Variants in NXF3 observed in about 807,000 individuals in gnomAD.
NXF3 encodes nuclear RNA export factor 3.
In NXF3, 34 loss-of-function variants were observed where a neutral mutation model predicts 48.4. That is an observed-to-expected ratio of 0.70 (90% CI 0.53 to 0.93). NXF3 has a LOEUF of 0.93. NXF3 is among the 40% of genes least tolerant of loss of function. The pLI is 0.00. For synonymous variants in NXF3, 132 were observed against 145.7 expected, an observed-to-expected ratio of 0.91 and a Z score of 0.68; for missense variants, 359 against 406.1, an observed-to-expected ratio of 0.88 and a Z score of 1.00.
intron 1 of NXF3, chrX:103,088,978 C>A: frequency 8.6e-7 from 1 of 1,168,361 alleles, no homozygotes; most frequent in Non-Finnish European, 1.2e-6. Context: ...CCTGGTAGCA[C>A]CAGGCAGCCC....
intron 18 of NXF3, among the ~76,000 whole-genome samples, chrX:103,076,674 T>C (rs749256799): frequency 9.0e-6 from 1 of 111,018 alleles, no homozygotes; most frequent in Non-Finnish European, 1.9e-5. Flanking sequence ...ATCTTTGCTG[T>C]AAGGTGTTTC....
Position 103,078,633 on chromosome X carries a change from C to T in NXF3, c.1379-1G>A. On this transcript the variant is annotated splice_acceptor_variant, in intron 16 of 19. Coordinates refer to ENST00000395065, the MANE Select transcript of NXF3 (RefSeq NM_022052.2). LOFTEE classifies it high-confidence loss of function. ...ACAGAACCCTGAGACTGTCCTTCCA[C>T]TTCAAAGACAACAAACAACATTGCC... The T allele has an allele frequency of 1.7e-6, 2 of 1,211,945 alleles. No homozygotes were observed. The highest frequency in any genetic ancestry group is 3.5e-5 in the South Asian group (2 of 56,981).
intron 9 of NXF3, 67 bp downstream of exon 9, chrX:103,082,188 C>T (rs760146784): frequency 1.7e-4 from 123 of 710,958 alleles, no homozygotes; most frequent in Non-Finnish European, 2.6e-4. Context: ...AGTGCTGCCT[C>T]CTCCTGCAGA....
At chrX:103,088,707 C>T in intron 1 of NXF3, 9 of 1,013,371 alleles carry the variant, frequency 8.9e-6, no homozygotes, top group Non-Finnish European at 1.2e-5. Context: ...GGACAGAGGC[C>T]TTTTTGCTGT....
In NXF3 at chrX:103,083,566, A is replaced by G. The variant is rs774722445; in HGVS notation, c.435+43T>C. 4.3e-6 allele frequency: 5 copies of G among 1,173,214 alleles called. No individual in the cohort carries two copies. The Admixed American group carries it at 8.7e-5, about 20-fold the overall frequency. On this transcript the variant is annotated intron_variant, in intron 4 of 19. Transcript: ENST00000395065. Reference sequence around the variant, plus strand: ...AGAGTCTCTGCTCATCCAGCCCCCAACCTGTCCTGTTTTCTCTCGTCTGCC... The same window carrying G: ...AGAGTCTCTGCTCATCCAGCCCCCAGCCTGTCCTGTTTTCTCTCGTCTGCC...
chrX:103,079,220 C>A lies in NXF3; in HGVS notation c.1378+1G>T. 8.3e-7 allele frequency: 1 copy of A among 1,211,018 alleles called. No individual in the cohort carries two copies. Among genetic ancestry groups the A allele is most frequent in the South Asian group, 1.8e-5 (1 of 56,976 alleles). ...GGGGAAGGGACTCTACAGACACTCACCTTCCTTGAACACCCCGTTGACAGA... is the reference window on the plus strand; with the variant it reads ...GGGGAAGGGACTCTACAGACACTCAACTTCCTTGAACACCCCGTTGACAGA... On this transcript the variant is annotated splice_donor_variant, in intron 16 of 19. Coordinates refer to ENST00000395065, the MANE Select transcript of NXF3 (RefSeq NM_022052.2). LOFTEE classifies it high-confidence loss of function.
chrX:103,085,901 A>C (rs1404909535), intron 1 of NXF3, among the ~76,000 whole-genome samples: 1 of 21,935 alleles, frequency 4.6e-5, no homozygotes, highest in East Asian at 3.3e-3. Context: ...AGACTCTGTC[A>C]AAAAAAAAAA....
At chrX:103,091,330 G>C (rs184306760) in intron 1 of NXF3, among the ~76,000 whole-genome samples, 11 of 112,029 alleles carry the variant, frequency 9.8e-5, no homozygotes, top group Non-Finnish European at 1.9e-4. Flanking sequence ...TTGGTCCTCC[G>C]TATCCACGGA....
intron 1 of NXF3, among the ~76,000 whole-genome samples, chrX:103,091,984 C>CAACAAAA (rs1922288965): frequency 2.1e-5 from 1 of 47,811 alleles, no homozygotes; most frequent in African/African-American, 8.6e-5. Context: ...GACTCCATCA[C>CAACAAAA]AAAAAAAAAA....
chrX:103,089,637 T>C (rs769178623), intron 1 of NXF3, among the ~76,000 whole-genome samples: 182 of 112,195 alleles, frequency 1.6e-3, no homozygotes, highest in Non-Finnish European at 2.7e-3. Flanking sequence ...TTTTTATATA[T>C]ACTCAAAAGA....
At chrX:103,087,072 T>A (rs1922175335) in intron 1 of NXF3, 1 of 341,704 alleles carries the variant, frequency 2.9e-6, no homozygotes, top group African/African-American at 2.6e-5. Context: ...TCGCCTACTT[T>A]CGTGAAATCC....
intron 1 of NXF3, chrX:103,087,788 CA>C (rs1922189740): frequency 2.2e-6 from 2 of 912,870 alleles, no homozygotes; most frequent in Admixed American, 4.7e-5. Context: ...ATCTTTTTGA[CA>C]GTCACCTCAC....
At chrX:103,089,151 C>A in intron 1 of NXF3, 1 of 775,961 alleles carries the variant, frequency 1.3e-6, no homozygotes, top group Non-Finnish European at 2.0e-6. Context: ...TCATGCAGGG[C>A]AGAAACTATT....
chrX:103,086,267 C>T (rs777145352), intron 1 of NXF3, among the ~76,000 whole-genome samples: 4 of 111,035 alleles, frequency 3.6e-5, no homozygotes, highest in African/African-American at 9.8e-5. Flanking sequence ...AAAAATTAGC[C>T]GGGGGTGGTG....
At chrX:103,076,188 A>G in intron 19 of NXF3, 53 bp downstream of exon 19, 1 of 949,879 alleles carries the variant, frequency 1.1e-6, no homozygotes, top group Non-Finnish European at 1.5e-6. Context: ...GCCCAAGTTC[A>G]ATCCCCAGGC....
At chrX:103,082,491 T>G in intron 8 of NXF3, 127 bp from the exon 9 acceptor site, 1 of 490,069 alleles carries the variant, frequency 2.0e-6, no homozygotes, top group Admixed American at 3.3e-5. Context: ...TGAACCCTCC[T>G]CCCCCTTTTT....
chrX:103,077,243 C>CTT (rs34811257), intron 18 of NXF3, among the ~76,000 whole-genome samples: 13 of 62,601 alleles, frequency 2.1e-4, no homozygotes, highest in East Asian at 4.1e-4. Context: ...GCACTCACTT[C>CTT]TTTTTTTTTT....
intron 18 of NXF3, among the ~76,000 whole-genome samples, 171 bp downstream of exon 18, chrX:103,077,443 G>A (rs770906563): frequency 9.1e-5 from 10 of 109,597 alleles, no homozygotes; most frequent in Middle Eastern, 4.7e-3. Flanking sequence ...TAGTAGAGAC[G>A]GGGTTTCACC....
chrX:103,084,336 A>C lies in NXF3; in HGVS notation c.351+6T>G. The C allele has an allele frequency of 8.3e-7, 1 of 1,210,130 alleles. No individual in the cohort carries two copies. The highest frequency in any genetic ancestry group is 1.1e-6 in the Non-Finnish European group (1 of 894,851). On this transcript the variant is annotated splice_donor_region_variant and intron_variant, in intron 3 of 19. Transcript: ENST00000395065. ...AACATTAGATCCACTTTGCCAGGAC[A>C]CTCACTGTGATCTTGAACCAGCTCC...
Sources: gnomAD v4.1 joint callset for allele counts (sites outside exome capture counted in the v4.1 genomes callset) on GRCh38, gnomAD v4.1.1 for gene constraint, MANE v1.5 for transcripts, NCBI Gene and HGNC (gene_info 2026-07-23, HGNC 2026-07-21) for gene names.